Variants in CEP128 observed in about 807,000 individuals in gnomAD.
CEP128 encodes the protein centrosomal protein 128.
Under a neutral mutation model 156.7 loss-of-function variants are expected in CEP128, and 132 were observed. That is an observed-to-expected ratio of 0.84 (90% CI 0.73 to 0.97). The LOEUF is 0.97. Among genes scored for constraint, CEP128 ranks in the 50% least tolerant of loss-of-function variants. The pLI is 0.00. For missense variants in CEP128, 1,252 were observed against 1,281.9 expected (o/e 0.98, Z 0.36); for synonymous variants, 469 against 448.9 (o/e 1.04, Z -0.57).
intron 16 of CEP128, among the ~76,000 whole-genome samples, chr14:80,775,913 A>G (rs1355276332): frequency 2.6e-5 from 4 of 151,966 alleles, no homozygotes. Context: ...GCTCGCTGCG[A>G]CTTTCCGCCC....
chr14:80,642,290 T>C (rs1181012262), intron 19 of CEP128, among the ~76,000 whole-genome samples: 1 of 152,114 alleles, frequency 6.6e-6, no homozygotes, highest in Non-Finnish European at 1.5e-5. Flanking sequence ...AATAAAGCTT[T>C]AGCAATAACA....
At chr14:80,946,732 G>A (rs2139651659), upstream of CEP128, among the ~76,000 whole-genome samples, 1 of 152,206 alleles carries the variant, frequency 6.6e-6, no homozygotes, top group African/African-American at 2.4e-5. Flanking sequence ...CAAGGAGAAG[G>A]GACAGAAGTT....
chr14:80,909,713 C>T (rs1012548434), intron 4 of CEP128, among the ~76,000 whole-genome samples: 2 of 152,084 alleles, frequency 1.3e-5, no homozygotes, highest in Non-Finnish European at 1.5e-5. Context: ...TTAAAATCTA[C>T]ACTTTAAGTA....
At chr14:80,706,053 A>T (rs1415523331) in intron 19 of CEP128, among the ~76,000 whole-genome samples, 4 of 152,192 alleles carry the variant, frequency 2.6e-5, no homozygotes, top group Admixed American at 2.6e-4. Context: ...TAGTAAATTA[A>T]CAAATAAGGA....
At chr14:80,617,051 G>A (rs1188555856) in intron 19 of CEP128, among the ~76,000 whole-genome samples, 1 of 151,876 alleles carries the variant, frequency 6.6e-6, no homozygotes, top group Non-Finnish European at 1.5e-5. Context: ...AGTTGGGCTA[G>A]TAATTCTGCA....
intron 16 of CEP128, 111 bp downstream of exon 16, chr14:80,777,771 C>A: frequency 1.2e-6 from 1 of 849,374 alleles, no homozygotes; most frequent in Non-Finnish European, 1.8e-6. Flanking sequence ...GGCACCAATA[C>A]AACTTCCCTG....
At chr14:80,494,730 G>A (rs148597071), downstream of CEP128, among the ~76,000 whole-genome samples, 4 of 152,264 alleles carry the variant, frequency 2.6e-5, no homozygotes, top group African/African-American at 9.6e-5. Flanking sequence ...AGTTAAGTAG[G>A]TAGGCATTTT....
At chr14:80,647,255 C>T (rs1254703858) in intron 19 of CEP128, among the ~76,000 whole-genome samples, 6 of 151,166 alleles carry the variant, frequency 4.0e-5, no homozygotes, top group Non-Finnish European at 7.4e-5. Flanking sequence ...AAGTTTCTTG[C>T]AATCTGCTTT....
intron 24 of CEP128, among the ~76,000 whole-genome samples, chr14:80,499,370 T>C (rs1887635050): frequency 6.6e-6 from 1 of 152,220 alleles, no homozygotes; most frequent in African/African-American, 2.4e-5. Flanking sequence ...TACTAACTTT[T>C]CTTTTTATAG....
chr14:80,801,639 T>G (rs1265977677), intron 13 of CEP128, among the ~76,000 whole-genome samples: 3 of 151,996 alleles, frequency 2.0e-5, no homozygotes, highest in Non-Finnish European at 4.4e-5. Flanking sequence ...TCAGATGCGG[T>G]GGCTCACACC....
intron 18 of CEP128, among the ~76,000 whole-genome samples, chr14:80,751,920 C>T (rs1229814461): frequency 1.3e-5 from 2 of 152,004 alleles, no homozygotes; most frequent in South Asian, 4.2e-4. Flanking sequence ...TGTGAGCCAC[C>T]GCACCCAGGT....
intron 23 of CEP128, 41 bp downstream of exon 23, chr14:80,526,828 G>T (rs1171032518): frequency 1.8e-6 from 2 of 1,107,308 alleles, no homozygotes; most frequent in South Asian, 1.3e-5. Flanking sequence ...CTTAAACATG[G>T]ATACTACTTA....
intron 18 of CEP128, among the ~76,000 whole-genome samples, chr14:80,749,665 A>G (rs1189369832): frequency 6.6e-6 from 1 of 152,206 alleles, no homozygotes; most frequent in Non-Finnish European, 1.5e-5. Flanking sequence ...CATATGGTTA[A>G]TGGGTATATA....
At chr14:80,892,082 T>C (rs1348920209) in intron 8 of CEP128, among the ~76,000 whole-genome samples, 3 of 151,218 alleles carry the variant, frequency 2.0e-5, no homozygotes, top group African/African-American at 7.3e-5. Context: ...AAAATTTGTA[T>C]GGAAACATAA....
intron 8 of CEP128, among the ~76,000 whole-genome samples, chr14:80,892,546 A>C (rs1889151651): frequency 6.6e-6 from 1 of 152,006 alleles, no homozygotes; most frequent in African/African-American, 2.4e-5. Context: ...AAAATAAATA[A>C]ATGGCACTAC....
chr14:80,555,145 A>C (rs533226689), intron 21 of CEP128, among the ~76,000 whole-genome samples: 1 of 152,104 alleles, frequency 6.6e-6, no homozygotes, highest in East Asian at 1.9e-4. Flanking sequence ...ACTGTTATCT[A>C]TCTCTCTATA....
At chr14:80,691,245 T>A (rs989141298) in intron 19 of CEP128, among the ~76,000 whole-genome samples, 3 of 152,202 alleles carry the variant, frequency 2.0e-5, no homozygotes, top group African/African-American at 7.2e-5. Context: ...TAGCAAAATT[T>A]ACTTTAAAAT....
intron 20 of CEP128, among the ~76,000 whole-genome samples, chr14:80,561,246 T>C (rs1360246633): frequency 1.3e-5 from 2 of 152,220 alleles, no homozygotes; most frequent in Admixed American, 6.5e-5. Flanking sequence ...TTTCTAGCAA[T>C]ATAATCTGTT....
intron 14 of CEP128, among the ~76,000 whole-genome samples, chr14:80,478,631 A>C (rs1594895281): frequency 6.6e-6 from 1 of 152,328 alleles, no homozygotes; most frequent in South Asian, 2.1e-4. Flanking sequence ...TCTTGAATGA[A>C]AATGATAATA....
Sources: allele counts gnomAD v4.1 joint callset (sites outside exome capture counted in the v4.1 genomes callset), GRCh38; gene constraint gnomAD v4.1.1; transcripts MANE v1.5; gene names NCBI Gene and HGNC (gene_info 2026-07-23, HGNC 2026-07-21).